NRG3: variants seen among roughly 807,000 people sequenced by gnomAD.
The protein encoded by NRG3 is neuregulin 3.
NRG3 carries 31 observed loss-of-function variants against 66.9 expected under a neutral mutation model. That is an observed-to-expected ratio of 0.46 (90% CI 0.35 to 0.63). The LOEUF (loss-of-function observed/expected upper bound fraction) is 0.63, where lower values mean the gene tolerates loss of function less well. Ranked by LOEUF, NRG3 falls within the 20% of genes least tolerant of loss-of-function variation. The probability of loss-of-function intolerance (pLI) is 0.00; values close to 1 mark genes in which losing one functional copy is unlikely to be tolerated. For missense variants in NRG3, 910 were observed against 878.9 expected (o/e 1.04, Z -0.45); for synonymous variants, 393 against 359.4 (o/e 1.09, Z -1.06).
chr10:82,345,996 C>T (rs1390387799), intron 1 of NRG3, among the ~76,000 whole-genome samples: 1 of 152,166 alleles, frequency 6.6e-6, no homozygotes, highest in African/African-American at 2.4e-5. Flanking sequence ...GATATACAAT[C>T]ATGTCATCTG....
At chr10:82,037,640 CA>C (rs1476066262) in intron 1 of NRG3, among the ~76,000 whole-genome samples, 24 of 152,088 alleles carry the variant, frequency 1.6e-4, no homozygotes, top group Non-Finnish European at 3.1e-4. Flanking sequence ...TGAATGAGCA[CA>C]GTACTAGAAG....
intron 2 of NRG3, among the ~76,000 whole-genome samples, chr10:82,437,928 C>A (rs1372300713): frequency 6.6e-6 from 1 of 152,142 alleles, no homozygotes; most frequent in Non-Finnish European, 1.5e-5. Context: ...CCTTTTCCTT[C>A]CTCTGGGACC....
intron 3 of NRG3, among the ~76,000 whole-genome samples, chr10:82,754,504 G>C (rs932316079): frequency 6.8e-6 from 1 of 146,144 alleles, no homozygotes; most frequent in African/African-American, 2.5e-5. Flanking sequence ...TACATAATGA[G>C]AGAAGATTAA....
chr10:82,428,924 G>A (rs143614558), intron 2 of NRG3, among the ~76,000 whole-genome samples: 39 of 151,762 alleles, frequency 2.6e-4, no homozygotes, highest in South Asian at 1.0e-3. Flanking sequence ...AATAATTAAC[G>A]TATATTACTG....
At chr10:82,487,769 T>C (rs1842800201) in intron 2 of NRG3, among the ~76,000 whole-genome samples, 1 of 152,252 alleles carries the variant, frequency 6.6e-6, no homozygotes, top group African/African-American at 2.4e-5. Context: ...AATGCTATTT[T>C]CTATCAAATT....
At position 82,955,645 on chromosome 10, in the gene NRG3, A is replaced by T. The variant is rs976437230; in HGVS notation, c.1158-3304A>T. On this transcript the variant is annotated intron_variant, in intron 5 of 8. Transcript: ENST00000372141. ...AAAAAAGAGGAGGATAAAAACTGGT[A>T]TTATCAGTAAAATGTAGACACGGTA... 1.5e-4 allele frequency among the ~76,000 whole-genome samples: 23 copies of T among 151,874 alleles called. 1 individual carries two copies. Among genetic ancestry groups the T allele is most frequent in the African/African-American group, 4.9e-4 (20 of 41,150 alleles).
rs181606883 is a variant in NRG3 at position 82,620,595 on chromosome 10, G to A, written c.954-117982G>A. ...TGAGTCTGGGTCTTTATAGGGCACA[G>A]GATGTGGGGCAGAACAGGCTGTAGA... On this transcript the variant is annotated intron_variant, in intron 2 of 8. Coordinates refer to ENST00000372141, the MANE Select transcript of NRG3 (RefSeq NM_001010848.4). Among the ~76,000 whole-genome samples, 25 of 152,302 alleles carry A rather than the reference G, an allele frequency of 1.6e-4. No homozygotes were observed. In the East Asian group the frequency reaches 4.4e-3, roughly 27 times the overall value.
intron 4 of NRG3, among the ~76,000 whole-genome samples, chr10:82,905,408 CCA>C (rs1335845143): frequency 6.6e-6 from 1 of 152,114 alleles, no homozygotes; most frequent in Non-Finnish European, 1.5e-5. Flanking sequence ...TTTCTTCATT[CCA>C]CCAGGTTACC....
At chr10:82,712,180 G>T (rs966405716) in intron 2 of NRG3, among the ~76,000 whole-genome samples, 8 of 132,408 alleles carry the variant, frequency 6.0e-5, no homozygotes, top group Non-Finnish European at 9.5e-5. Context: ...TATGTTATTG[G>T]AATAGAGGAA....
chr10:82,818,198 C>T (rs2061795651), intron 3 of NRG3, among the ~76,000 whole-genome samples: 1 of 152,162 alleles, frequency 6.6e-6, no homozygotes, highest in Non-Finnish European at 1.5e-5. Context: ...GGTGGTAACG[C>T]AGCGTTGCCA....
intron 2 of NRG3, among the ~76,000 whole-genome samples, chr10:82,639,811 G>T (rs2050442418): frequency 6.6e-6 from 1 of 152,012 alleles, no homozygotes; most frequent in South Asian, 2.1e-4. Flanking sequence ...ACATATGAAG[G>T]TTTGTTATAT....
At chr10:81,909,853 G>A (rs1470505268) in intron 1 of NRG3, among the ~76,000 whole-genome samples, 1 of 152,146 alleles carries the variant, frequency 6.6e-6, no homozygotes, top group African/African-American at 2.4e-5. Context: ...AAGGAAATAT[G>A]CGTGATGCTT....
intron 2 of NRG3, among the ~76,000 whole-genome samples, chr10:82,707,102 A>C (rs2056353741): frequency 6.7e-6 from 1 of 150,126 alleles, no homozygotes; most frequent in Non-Finnish European, 1.5e-5. Flanking sequence ...ATACTTTTGT[A>C]CTCAATTTCA....
At chr10:82,813,828 C>A (rs1316563935) in intron 3 of NRG3, among the ~76,000 whole-genome samples, 3 of 151,992 alleles carry the variant, frequency 2.0e-5, no homozygotes, top group African/African-American at 2.4e-5. Flanking sequence ...CTTTCCAAAC[C>A]CAATTTTAAT....
chr10:82,701,953 T>C (rs917094232), intron 2 of NRG3, among the ~76,000 whole-genome samples: 7 of 152,156 alleles, frequency 4.6e-5, no homozygotes, highest in South Asian at 4.1e-4. Flanking sequence ...TCTTACAAAA[T>C]TAATGATGGA....
chr10:82,590,996 A>G (rs555107122), intron 2 of NRG3, among the ~76,000 whole-genome samples: 79 of 152,312 alleles, frequency 5.2e-4, no homozygotes, highest in African/African-American at 1.8e-3. Context: ...ACATCAAGAT[A>G]AAAATGGCCT....
At chr10:82,744,179 C>G (rs1250865510) in intron 3 of NRG3, among the ~76,000 whole-genome samples, 2 of 152,140 alleles carry the variant, frequency 1.3e-5, no homozygotes, top group Admixed American at 1.3e-4. Context: ...ATTCATTTCC[C>G]CAGATAATTA....
chr10:82,908,455 G>C (rs1386661217), intron 4 of NRG3, among the ~76,000 whole-genome samples: 1 of 152,178 alleles, frequency 6.6e-6, no homozygotes, highest in Non-Finnish European at 1.5e-5. Context: ...TTCTGAGCAT[G>C]AAAAGCTTTA....
chr10:81,998,639 G>A (rs1214138328), intron 1 of NRG3, among the ~76,000 whole-genome samples: 1 of 152,168 alleles, frequency 6.6e-6, no homozygotes, highest in Admixed American at 6.5e-5. Context: ...ATGCACAAGT[G>A]TTATGTGATA....
Sources: gnomAD v4.1 joint callset for allele counts (sites outside exome capture counted in the v4.1 genomes callset) on GRCh38, gnomAD v4.1.1 for gene constraint, MANE v1.5 for transcripts, NCBI Gene and HGNC (gene_info 2026-07-23, HGNC 2026-07-21) for gene names.